OR11H4: variants seen among roughly 807,000 people sequenced by gnomAD.
OR11H4 encodes the protein olfactory receptor 11H4.
For synonymous variants in OR11H4, 162 were observed against 142.3 expected (o/e 1.14, Z -0.98); for missense variants, 460 against 371.1 (o/e 1.24, Z -1.97).
intron 1 of OR11H4, among the ~76,000 whole-genome samples, chr14:20,239,550 C>G (rs1006152830): frequency 3.3e-5 from 5 of 151,988 alleles, no homozygotes; most frequent in African/African-American, 1.2e-4. Context: ...AAAAATTAGC[C>G]GGGCGTGATG....
chr14:20,242,744 T>C, intron 1 of OR11H4, 67 bp from the exon 2 acceptor site: 1 of 1,555,552 alleles, frequency 6.4e-7, no homozygotes, highest in African/African-American at 1.4e-5. Flanking sequence ...ATCCTTGAGA[T>C]ACGTAGCAAG....
chr14:20,239,586 C>T (rs1880871767), intron 1 of OR11H4, among the ~76,000 whole-genome samples: 1 of 151,904 alleles, frequency 6.6e-6, no homozygotes, highest in Non-Finnish European at 1.5e-5. Flanking sequence ...CCCAGCTACT[C>T]AGGAGGCTGA....
At chr14:20,240,512 T>C (rs1055024463) in intron 1 of OR11H4, among the ~76,000 whole-genome samples, 1 of 152,216 alleles carries the variant, frequency 6.6e-6, no homozygotes, top group Non-Finnish European at 1.5e-5. Context: ...AAGTTATGAC[T>C]GGTGACCTGC....
chr14:20,241,826 AG>A (rs950283446), intron 1 of OR11H4, among the ~76,000 whole-genome samples: 1 of 152,124 alleles, frequency 6.6e-6, no homozygotes, highest in African/African-American at 2.4e-5. Context: ...ACATGTGAGC[AG>A]AAGAATCTAT....
In OR11H4 at chr14:20,239,522, G is replaced by C. The variant is rs185812646; in HGVS notation, c.-12+191G>C. Among the ~76,000 whole-genome samples, 274 of 152,020 alleles carry C rather than the reference G, an allele frequency of 1.8e-3. 2 individuals are homozygous for C. Among genetic ancestry groups the C allele is most frequent in the African/African-American group, 6.4e-3 (265 of 41,462 alleles). On this transcript the variant is annotated intron_variant, in intron 1 of 1. Transcript: ENST00000641082. ...ATCCTGGCTAACACGGCGAAACCCC[G>C]TCTCTACTAAAAATACAAAAAATTA...
In OR11H4 at chr14:20,239,698, AAAAAAG is replaced by A. The variant is rs556245598; in HGVS notation, c.-12+383_-12+388del. Among the ~76,000 whole-genome samples, 561 of 152,166 alleles carry A rather than the reference AAAAAAG, an allele frequency of 3.7e-3. 1 individual carries two copies. The highest frequency in any genetic ancestry group is 5.9e-3 in the Non-Finnish European group (401 of 67,980). On this transcript the variant is annotated intron_variant, in intron 1 of 1. Transcript: ENST00000641082. The stretch of plus-strand genomic sequence containing the variant: ...GACAGAGCGAGACTGTCTCAGAAAA[AAAAAAG>A]AAAAAGAAAAAGAAAGAGCTGGTCT...
At chr14:20,241,791 A>T (rs1214181501) in intron 1 of OR11H4, among the ~76,000 whole-genome samples, 1 of 152,132 alleles carries the variant, frequency 6.6e-6, no homozygotes, top group African/African-American at 2.4e-5. Flanking sequence ...GAGCACGGTG[A>T]TAATAAGGAG....
chr14:20,239,880 T>C (rs1388190756), intron 1 of OR11H4, among the ~76,000 whole-genome samples: 2 of 152,116 alleles, frequency 1.3e-5, no homozygotes, highest in African/African-American at 4.8e-5. Context: ...TATAAAACTT[T>C]GTGGAAACAG....
At chr14:20,240,013 G>C (rs1325123875) in intron 1 of OR11H4, among the ~76,000 whole-genome samples, 1 of 152,136 alleles carries the variant, frequency 6.6e-6, no homozygotes, top group East Asian at 1.9e-4. Flanking sequence ...AAACAATGTT[G>C]CTGCTAATAA....
intron 1 of OR11H4, among the ~76,000 whole-genome samples, chr14:20,242,143 T>G (rs949285047): frequency 1.8e-4 from 27 of 152,062 alleles, no homozygotes; most frequent in African/African-American, 6.0e-4. Context: ...TTTACGGGTG[T>G]CCGGCTGGGG....
At chr14:20,240,128 G>T (rs1880883040) in intron 1 of OR11H4, among the ~76,000 whole-genome samples, 1 of 152,162 alleles carries the variant, frequency 6.6e-6, no homozygotes, top group African/African-American at 2.4e-5. Context: ...CAGGCATTCA[G>T]AACAAAGGGC....
At position 20,242,565 on chromosome 14, in the gene OR11H4, CTCTT is replaced by C. The variant is rs144081049; in HGVS notation, c.-11-244_-11-241del. On this transcript the variant is annotated intron_variant, in intron 1 of 1. Coordinates refer to ENST00000641082, the MANE Select transcript of OR11H4 (RefSeq NM_001004479.2). ...CATAGACACAGTGACAGTCTGATCTCTCTTTTCCCTACAGTGTCAAAAATTCTAG... is the reference window on the plus strand; with the variant it reads ...CATAGACACAGTGACAGTCTGATCTCTTCCCTACAGTGTCAAAAATTCTAG... Among the ~76,000 whole-genome samples the C allele has an allele frequency of 5.1e-3, 776 of 152,308 alleles. 10 individuals are homozygous for C. Among genetic ancestry groups the C allele is most frequent in the African/African-American group, 0.018 (745 of 41,572 alleles).
Position 20,243,369 on chromosome 14 carries a change from C to T in OR11H4, c.548C>T (p.Pro183Leu). ...IIDHFLCDMD[P>L]LMALSCAPAP... The stretch of plus-strand genomic sequence containing the variant: ...GATCACTTCCTGTGTGACATGGACC[C>T]ATTGATGGCTCTATCCTGTGCCCCA... Residue 183 changes from proline to leucine, a missense_variant, in exon 2 of 2, where the codon CCA (proline) becomes CTA (leucine). By Grantham distance (98) the Pro-to-Leu change is moderately conservative. Transcript: ENST00000641082. 1 of 1,614,098 alleles carries T rather than the reference C, an allele frequency of 6.2e-7. No individual in the cohort carries two copies. The highest frequency in any genetic ancestry group is 2.2e-5 in the East Asian group (1 of 44,884).
chr14:20,241,739 A>G (rs187175800), intron 1 of OR11H4, among the ~76,000 whole-genome samples: 3 of 152,248 alleles, frequency 2.0e-5, no homozygotes, highest in South Asian at 2.1e-4. Flanking sequence ...GTTTTTATTG[A>G]TTATTATATT....
chr14:20,242,869 A>T lies in OR11H4; in HGVS notation c.48A>T (p.Gly16=), dbSNP rs1443270404. ...TCGTGACAGAGTTTATTCTCCTGGG[A>T]TTCCCTGGTTGCTGGAAGATTCAGA... ...THIVTEFILL[G]FPGCWKIQIF... The change falls in exon 2 of 2, where the codon GGA becomes GGT. Residue 16 remains glycine (G), a synonymous_variant. Transcript: ENST00000641082. The T allele has an allele frequency of 6.2e-7, 1 of 1,613,952 alleles. No individual in the cohort carries two copies. Among genetic ancestry groups the T allele is most frequent in the African/African-American group, 1.3e-5 (1 of 74,884 alleles).
rs1344512126 is a variant in OR11H4, at chr14:20,243,610, A to C, written c.789A>C (p.Thr263=). 6.2e-7 allele frequency: 1 copy of C among 1,614,106 alleles called. No individual in the cohort carries two copies. The highest frequency in any genetic ancestry group is 8.5e-7 in the Non-Finnish European group (1 of 1,179,974). ...TCATGGTAATGTATGTAAGTCCTACATATGGGATCCCAACTTTATTGCAGA... is the reference window on the plus strand; with the variant it reads ...TCATGGTAATGTATGTAAGTCCTACCTATGGGATCCCAACTTTATTGCAGA... The part of the protein sequence containing the change: ...GTVMVMYVSP[T]YGIPTLLQKI... Residue 263 remains threonine (T), a synonymous_variant, in exon 2 of 2, where the codon ACA becomes ACC. Transcript: ENST00000641082.
intron 1 of OR11H4, among the ~76,000 whole-genome samples, chr14:20,240,697 C>T (rs1299669632): frequency 6.6e-6 from 1 of 151,412 alleles, no homozygotes; most frequent in Non-Finnish European, 1.5e-5. Context: ...TCTGCTTGGC[C>T]TCCCAAGTAG....
At chr14:20,241,627 A>G (rs1880921285) in intron 1 of OR11H4, among the ~76,000 whole-genome samples, 2 of 152,216 alleles carry the variant, frequency 1.3e-5, no homozygotes, top group Non-Finnish European at 2.9e-5. Context: ...GAGAAAAGAA[A>G]TAAGACACAG....
At position 20,244,009 on chromosome 14, in the gene OR11H4, T is replaced by A. The variant is rs1050337501; in HGVS notation, c.*243T>A. 2.8e-6 allele frequency: 1 copy of A among 356,286 alleles called. No individual in the cohort carries two copies. The highest frequency in any genetic ancestry group is 4.6e-5 in the East Asian group (1 of 21,784). 22.1% of individuals were successfully genotyped at this position (356,286 alleles called of 1,614,324 possible). A position where few individuals can be genotyped will look rare whatever the true frequency, so the allele number is the denominator to read the frequency against. On this transcript the variant is annotated 3_prime_UTR_variant, in exon 2 of 2. Coordinates refer to ENST00000641082, the MANE Select transcript of OR11H4 (RefSeq NM_001004479.2). ...AGAATGATAAAATGGAATTTCTACA[T>A]GAGATGCCCTCCTGCTGACATGCCC...
Sources: gnomAD v4.1 joint callset for allele counts (sites outside exome capture counted in the v4.1 genomes callset) on GRCh38, gnomAD v4.1.1 for gene constraint, MANE v1.5 for transcripts, NCBI Gene and HGNC (gene_info 2026-07-23, HGNC 2026-07-21) for gene names.